Variants in CXCL13 observed in about 807,000 individuals in gnomAD.
The protein encoded by CXCL13 is C-X-C motif chemokine ligand 13, also known as C-X-C motif chemokine 13.
A neutral mutation model predicts 12.2 loss-of-function variants in CXCL13; 7 were observed. The observed-to-expected ratio is 0.57, with a 90% CI of 0.33 to 1.07. The LOEUF is 1.07. CXCL13 is among the 50% of genes least tolerant of loss of function. CXCL13 has a pLI of 0.04. For synonymous variants in CXCL13, 47 were observed against 42.4 expected (o/e 1.11, Z -0.42); for missense variants, 113 against 127.4 (o/e 0.89, Z 0.55).
At chr4:77,515,559 C>T (rs940715489) in intron 1 of CXCL13, among the ~76,000 whole-genome samples, 7 of 152,158 alleles carry the variant, frequency 4.6e-5, no homozygotes, top group African/African-American at 1.7e-4. Flanking sequence ...ATTTTATTCT[C>T]TTTGAAGCAA....
intron 1 of CXCL13, among the ~76,000 whole-genome samples, chr4:77,600,113 G>A (rs1454518643): frequency 5.3e-5 from 8 of 151,852 alleles, no homozygotes; most frequent in Non-Finnish European, 8.8e-5. Context: ...AGTTCAGTTT[G>A]GGGATAATAT....
chr4:77,582,902 C>G (rs1359423215), intron 1 of CXCL13, among the ~76,000 whole-genome samples: 1 of 152,108 alleles, frequency 6.6e-6, no homozygotes, highest in Non-Finnish European at 1.5e-5. Context: ...TTTTGGAACA[C>G]CAACCAAACT....
chr4:77,571,026 C>T (rs564652096), intron 1 of CXCL13, among the ~76,000 whole-genome samples: 1 of 152,024 alleles, frequency 6.6e-6, no homozygotes, highest in Non-Finnish European at 1.5e-5. Context: ...TCCCATCGGC[C>T]ACCCAAGGCC....
chr4:77,598,852 G>A (rs1254819943), intron 1 of CXCL13, among the ~76,000 whole-genome samples: 1 of 151,888 alleles, frequency 6.6e-6, no homozygotes, highest in Non-Finnish European at 1.5e-5. Flanking sequence ...GTCTCACCCA[G>A]GCTGGAGTAC....
upstream of CXCL13, among the ~76,000 whole-genome samples, chr4:77,601,862 T>C (rs546770192): frequency 2.0e-5 from 3 of 152,290 alleles, no homozygotes; most frequent in South Asian, 4.1e-4. Context: ...CAAATAAGTG[T>C]TGGAGTCGGG....
chr4:77,605,794 A>T, upstream of CXCL13: 1 of 894,516 alleles, frequency 1.1e-6, no homozygotes, highest in East Asian at 2.6e-5. Flanking sequence ...GTATAAATAA[A>T]TAGGAGTCTC....
chr4:77,570,866 G>T (rs139267301), intron 1 of CXCL13, among the ~76,000 whole-genome samples: 1 of 152,000 alleles, frequency 6.6e-6, no homozygotes, highest in East Asian at 1.9e-4. Flanking sequence ...CCGGTGCTGC[G>T]CTCGATTTCT....
At chr4:77,530,358 C>G (rs968434090) in intron 1 of CXCL13, among the ~76,000 whole-genome samples, 1 of 152,194 alleles carries the variant, frequency 6.6e-6, no homozygotes, top group South Asian at 2.1e-4. Context: ...ATGGTACCAG[C>G]TCCTCCTTGT....
intron 1 of CXCL13, among the ~76,000 whole-genome samples, chr4:77,592,058 C>T (rs1726626077): frequency 6.6e-6 from 1 of 152,170 alleles, no homozygotes. Context: ...GGATCATTAT[C>T]ACATGATCCA....
intron 1 of CXCL13, among the ~76,000 whole-genome samples, chr4:77,571,931 G>A (rs760900904): frequency 2.0e-5 from 3 of 151,574 alleles, no homozygotes; most frequent in Non-Finnish European, 4.4e-5. Context: ...CAGATGTGCT[G>A]CCTTAAGAGC....
chr4:77,514,189 T>C (rs533686968), intron 1 of CXCL13, among the ~76,000 whole-genome samples: 6 of 152,282 alleles, frequency 3.9e-5, no homozygotes. Context: ...CCACATTTTC[T>C]TAATCCAGTC....
intron 1 of CXCL13, among the ~76,000 whole-genome samples, chr4:77,571,330 G>A (rs1433559953): frequency 1.3e-5 from 2 of 151,480 alleles, no homozygotes. Context: ...TTAGCTCAAG[G>A]TTTGTGAGTG....
intron 1 of CXCL13, among the ~76,000 whole-genome samples, chr4:77,559,251 G>A (rs941607885): frequency 2.0e-5 from 3 of 152,174 alleles, no homozygotes; most frequent in African/African-American, 7.2e-5. Flanking sequence ...GGGAAGAAAG[G>A]GGACTGAGGG....
Position 77,546,898 on chromosome 4 carries a change from C to T in CXCL13, c.-43+35110C>T, listed in dbSNP as rs139282227. Among the ~76,000 whole-genome samples, 581 of 152,312 alleles carry T rather than the reference C, an allele frequency of 3.8e-3. 4 individuals are homozygous for T. The highest frequency in any genetic ancestry group is 0.013 in the African/African-American group (525 of 41,574). ...ATTTAGTGCTATAAATTTCCCTCTA[C>T]ATACTGCTTTACATGTGTCCCAGAG... On this transcript the variant is annotated intron_variant, in intron 1 of 4. Coordinates refer to the CXCL13 transcript ENST00000286758.
intron 1 of CXCL13, among the ~76,000 whole-genome samples, chr4:77,576,768 T>G (rs1210120105): frequency 1.3e-5 from 2 of 152,182 alleles, no homozygotes; most frequent in Admixed American, 6.5e-5. Context: ...GTAAAAATAA[T>G]TATTCTTGCT....
intron 1 of CXCL13, among the ~76,000 whole-genome samples, chr4:77,562,638 T>A (rs1016805161): frequency 3.5e-5 from 5 of 142,434 alleles, no homozygotes; most frequent in Non-Finnish European, 7.4e-5. Flanking sequence ...GCACTCTGTA[T>A]CTAGCTAATC....
At chr4:77,514,224 G>C (rs1451855245) in intron 1 of CXCL13, among the ~76,000 whole-genome samples, 1 of 151,906 alleles carries the variant, frequency 6.6e-6, no homozygotes, top group Non-Finnish European at 1.5e-5. Context: ...ATTTGGGTTG[G>C]TTCCAAGTCT....
chr4:77,597,016 G>C (rs548752022), intron 1 of CXCL13, among the ~76,000 whole-genome samples: 3 of 152,166 alleles, frequency 2.0e-5, no homozygotes, highest in Admixed American at 1.3e-4. Context: ...GCAAGAACAC[G>C]AATGAACCTG....
At chr4:77,524,274 C>A (rs1423682173) in intron 1 of CXCL13, among the ~76,000 whole-genome samples, 1 of 152,164 alleles carries the variant, frequency 6.6e-6, no homozygotes, top group East Asian at 1.9e-4. Flanking sequence ...AGAAGGCAGA[C>A]CAGGATGTTT....
Sources: allele counts gnomAD v4.1 joint callset (sites outside exome capture counted in the v4.1 genomes callset), GRCh38; gene constraint gnomAD v4.1.1; transcripts MANE v1.5; gene names NCBI Gene and HGNC (gene_info 2026-07-23, HGNC 2026-07-21).